MEIS2: variants seen among roughly 807,000 people sequenced by gnomAD.
MEIS2 encodes the protein Meis homeobox 2.
MEIS2 carries 9 observed loss-of-function variants against 58.6 expected under a neutral mutation model. The ratio of observed to expected loss-of-function variants is 0.15; its 90% CI spans 0.09 to 0.27. MEIS2 has a LOEUF of 0.27. MEIS2 is among the 10% of genes least tolerant of loss of function. MEIS2 has a pLI of 1.00. For synonymous variants in MEIS2, 221 were observed against 228.4 expected (o/e 0.97, Z 0.29); for missense variants, 427 against 635.0 (o/e 0.67, Z 3.52).
intron 8 of MEIS2, among the ~76,000 whole-genome samples, chr15:37,001,102 A>G (rs1020448888): frequency 3.3e-5 from 5 of 152,186 alleles, no homozygotes; most frequent in Admixed American, 2.6e-4. Flanking sequence ...ACATTTATTT[A>G]GCAACTACCT....
At position 37,093,645 on chromosome 15, in the gene MEIS2, C is replaced by T; in HGVS notation, c.575G>A (p.Arg192Lys). Residue 192 changes from arginine to lysine, a missense_variant, in exon 6 of 12, where the codon AGA becomes AAA. Coordinates refer to ENST00000561208, the MANE Select transcript of MEIS2 (RefSeq NM_170675.5). ...KMPIDLVIDE[R>K]DGSSKSDHEE... Reference sequence around the variant, plus strand: ...ATGATCTGACTTGGAGCTGCCGTCTCTTTCATCAATGACGAGGTCGATGGG... The same window carrying T: ...ATGATCTGACTTGGAGCTGCCGTCTTTTTCATCAATGACGAGGTCGATGGG... The T allele has an allele frequency of 3.1e-6, 5 of 1,614,172 alleles. No individual in the cohort carries two copies. Among genetic ancestry groups the T allele is most frequent in the Non-Finnish European group, 4.2e-6 (5 of 1,180,040 alleles).
intron 8 of MEIS2, among the ~76,000 whole-genome samples, chr15:37,002,311 C>T (rs1188386056): frequency 6.6e-6 from 1 of 151,340 alleles, no homozygotes; most frequent in Non-Finnish European, 1.5e-5. Context: ...CCCGCTTCTG[C>T]AGCCTCCTTA....
chr15:37,083,629 C>G (rs1449897793), intron 7 of MEIS2, 142 bp downstream of exon 7: 10 of 559,166 alleles, frequency 1.8e-5, no homozygotes, highest in African/African-American at 1.7e-4. Context: ...AGAGGAAATA[C>G]TGTCTCTTTA....
chr15:37,093,737 C>T lies in MEIS2; in HGVS notation c.490-7G>A, dbSNP rs1429889725. 1.1e-5 allele frequency: 17 copies of T among 1,613,588 alleles called. No individual in the cohort carries two copies. The highest frequency in any genetic ancestry group is 1.4e-5 in the Non-Finnish European group (17 of 1,179,718). Reference sequence around the variant, plus strand: ...TATCGCACAGTTCGTGGACCTAGAACGAAGGTCATGGTGGAGGGTTTAGCT... The same window carrying T: ...TATCGCACAGTTCGTGGACCTAGAATGAAGGTCATGGTGGAGGGTTTAGCT... On this transcript the variant is annotated splice_polypyrimidine_tract_variant and splice_region_variant and intron_variant, in intron 5 of 11. Transcript: ENST00000561208.
chr15:37,001,076 C>T (rs547268624), intron 8 of MEIS2, among the ~76,000 whole-genome samples: 2 of 152,184 alleles, frequency 1.3e-5, no homozygotes, highest in African/African-American at 4.8e-5. Flanking sequence ...GTTGATTATG[C>T]ATTTCTTTTG....
At chr15:36,901,142 T>A (rs573484446) in intron 9 of MEIS2, 1 of 152,396 alleles carries the variant, frequency 6.6e-6, no homozygotes, top group African/African-American at 2.4e-5. Context: ...CGTAGGTAGC[T>A]CAGTGACCGG....
At chr15:37,077,273 T>C (rs1411081852) in intron 7 of MEIS2, among the ~76,000 whole-genome samples, 1 of 152,078 alleles carries the variant, frequency 6.6e-6, no homozygotes, top group Non-Finnish European at 1.5e-5. Context: ...AGGACTCTTC[T>C]GAATGGCACT....
chr15:36,906,615 G>T (rs2056749740), intron 9 of MEIS2, among the ~76,000 whole-genome samples: 1 of 142,470 alleles, frequency 7.0e-6, no homozygotes, highest in Non-Finnish European at 1.5e-5. Context: ...TTTGACAATA[G>T]GACTTTCAGG....
intron 8 of MEIS2, among the ~76,000 whole-genome samples, chr15:36,990,359 A>G (rs898821330): frequency 1.4e-4 from 22 of 152,198 alleles, no homozygotes; most frequent in African/African-American, 5.1e-4. Flanking sequence ...CAGAAAAAAA[A>G]AAAACTTTGT....
At chr15:37,025,035 G>A in intron 8 of MEIS2, among the ~76,000 whole-genome samples, 1 of 152,196 alleles carries the variant, frequency 6.6e-6, no homozygotes, top group East Asian at 1.9e-4. Context: ...GGTCTGTCAG[G>A]TCTTTTGCCT....
chr15:36,922,679 G>A (rs1227085414), intron 9 of MEIS2, among the ~76,000 whole-genome samples: 1 of 143,882 alleles, frequency 7.0e-6, no homozygotes, highest in African/African-American at 2.6e-5. Flanking sequence ...GGAGTGCAGT[G>A]GTGTGATTTC....
In MEIS2 at chr15:37,099,884, C is replaced by G. The variant is rs942659351; in HGVS notation, c.-418G>C. 17 of 174,870 alleles carry G rather than the reference C, an allele frequency of 9.7e-5. No homozygotes were observed. Among genetic ancestry groups the G allele is most frequent in the Non-Finnish European group, 4.9e-5 (4 of 82,414 alleles). The allele number at this position is 174,870 out of a possible 1,614,324, so 10.8% of individuals were successfully genotyped here. On this transcript the variant is annotated 5_prime_UTR_variant, in exon 1 of 12. Transcript: ENST00000561208. Reference sequence around the variant, plus strand: ...CCCGAACTGAAGGTTACGAGCGGCCCGTCAGCAGCCCACATGTAACCGAAC... The same window carrying G: ...CCCGAACTGAAGGTTACGAGCGGCCGGTCAGCAGCCCACATGTAACCGAAC...
At chr15:37,070,220 T>C (rs888039632) in intron 7 of MEIS2, among the ~76,000 whole-genome samples, 2 of 152,168 alleles carry the variant, frequency 1.3e-5, no homozygotes, top group Non-Finnish European at 2.9e-5. Flanking sequence ...ACAAGTATAG[T>C]GGAAGTCCAT....
chr15:36,990,056 T>C (rs1476474948), intron 8 of MEIS2, among the ~76,000 whole-genome samples: 1 of 152,184 alleles, frequency 6.6e-6, no homozygotes. Flanking sequence ...GCCATTCTCC[T>C]GCCTCAGCCT....
At chr15:37,098,988 G>C in intron 1 of MEIS2, 2 of 984,278 alleles carry the variant, frequency 2.0e-6, no homozygotes, top group Non-Finnish European at 2.4e-6. Context: ...CTAGGCGGCG[G>C]CGCAGCGGCT....
chr15:36,935,246 G>A (rs958399917), intron 9 of MEIS2, among the ~76,000 whole-genome samples: 1 of 144,228 alleles, frequency 6.9e-6, no homozygotes, highest in Non-Finnish European at 1.5e-5. Context: ...ATCTAGGTAT[G>A]TGCCTATGAT....
chr15:36,937,980 A>G (rs966974936), intron 9 of MEIS2, among the ~76,000 whole-genome samples: 1 of 152,196 alleles, frequency 6.6e-6, no homozygotes, highest in African/African-American at 2.4e-5. Flanking sequence ...TGTGCTTTAA[A>G]TAGATGTCAA....
At chr15:36,908,795 C>T (rs1993029) in intron 9 of MEIS2, among the ~76,000 whole-genome samples, 101,713 of 151,774 alleles carry the variant, frequency 0.67, 35,313 homozygotes, top group East Asian at 0.82. Context: ...AAGTATTAGC[C>T]GGGCATGGTG....
chr15:36,945,824 A>C (rs1461310729), intron 9 of MEIS2, among the ~76,000 whole-genome samples: 1 of 152,008 alleles, frequency 6.6e-6, no homozygotes, highest in Non-Finnish European at 1.5e-5. Context: ...TCAACTGGAA[A>C]GTTCTTTGAA....
Sources: allele counts gnomAD v4.1 joint callset (sites outside exome capture counted in the v4.1 genomes callset), GRCh38; gene constraint gnomAD v4.1.1; transcripts MANE v1.5; gene names NCBI Gene and HGNC (gene_info 2026-07-23, HGNC 2026-07-21).